The following SEC11A variants were observed in gnomAD, a reference collection of about 807,000 sequenced individuals.
SEC11A encodes the protein SEC11 homolog A, signal peptidase complex subunit.
SEC11A carries 14 observed loss-of-function variants against 25.6 expected under a neutral mutation model. That is an observed-to-expected ratio of 0.55 (90% CI 0.36 to 0.85). The LOEUF is 0.85. Ranked by LOEUF, SEC11A falls within the 40% of genes least tolerant of loss-of-function variation. SEC11A has a pLI of 0.01. For synonymous variants in SEC11A, 83 were observed against 76.4 expected (o/e 1.09, Z -0.45); for missense variants, 153 against 222.9 (o/e 0.69, Z 2.00).
Position 84,687,677 on chromosome 15 carries a change from T to C in SEC11A, c.259A>G (p.Ile87Val), listed in dbSNP as rs1008647422. 3 of 1,601,282 alleles carry C rather than the reference T, an allele frequency of 1.9e-6. No homozygotes were observed. Among genetic ancestry groups the C allele is most frequent in the African/African-American group, 2.7e-5 (2 of 74,034 alleles). Residue 87 changes from isoleucine to valine, a missense_variant, in exon 3 of 6, where the codon ATA becomes GTA. Transcript: ENST00000268220. ...IRVGEIVVFR[I>V]EGREIPIVHR... is the part of the protein sequence containing the mutation. ...ACTATAGGAATCTCTCTTCCTTCTA[T>C]CCTAAAAACAACAATTTCTCCCACT...
intron 1 of SEC11A, among the ~76,000 whole-genome samples, chr15:84,694,790 C>CA (rs969437725): frequency 1.9e-4 from 29 of 149,318 alleles, no homozygotes; most frequent in East Asian, 4.0e-4. Context: ...TTTATCTCTA[C>CA]AAAAAAAAAT....
rs1896929711 is a variant in SEC11A at position 84,669,721 on chromosome 15, C to T, written c.*298G>A. The stretch of plus-strand genomic sequence containing the variant: ...GAAGCTTGGCTTCAAAATACAAACA[C>T]TGGGGGCTTTGGCTCAACCTTTTAA... On this transcript the variant is annotated 3_prime_UTR_variant, in exon 6 of 6. Coordinates refer to ENST00000268220, the MANE Select transcript of SEC11A (RefSeq NM_014300.4). 1 of 389,880 alleles carries T rather than the reference C, an allele frequency of 2.6e-6. No individual in the cohort carries two copies. The highest frequency in any genetic ancestry group is 4.7e-6 in the Non-Finnish European group (1 of 211,302). The allele number at this position is 389,880 out of a possible 1,614,324, so 24.2% of individuals were successfully genotyped here.
intron 2 of SEC11A, among the ~76,000 whole-genome samples, chr15:84,689,601 TTTTC>T (rs1457956451): frequency 6.8e-5 from 8 of 117,504 alleles, no homozygotes; most frequent in Non-Finnish European, 1.2e-4. Flanking sequence ...GTAATGTTTC[TTTTC>T]TTTCTTTTTT....
chr15:84,706,127 G>A (rs909710758), intron 1 of SEC11A, among the ~76,000 whole-genome samples: 10 of 151,714 alleles, frequency 6.6e-5, no homozygotes, highest in African/African-American at 9.7e-5. Flanking sequence ...GGCTGGTCTC[G>A]AACTCCTGAC....
intron 1 of SEC11A, among the ~76,000 whole-genome samples, chr15:84,702,664 T>A (rs1212756143): frequency 6.6e-6 from 1 of 152,102 alleles, no homozygotes; most frequent in Non-Finnish European, 1.5e-5. Context: ...TTTGATGAAG[T>A]AAGTCAATTC....
intron 4 of SEC11A, among the ~76,000 whole-genome samples, chr15:84,674,086 A>T (rs1351418843): frequency 6.6e-6 from 1 of 152,008 alleles, no homozygotes; most frequent in Admixed American, 6.5e-5. Flanking sequence ...ATGGCAAATA[A>T]TATCCCTTCT....
intron 1 of SEC11A, among the ~76,000 whole-genome samples, chr15:84,709,742 C>T (rs1898205601): frequency 6.7e-6 from 1 of 150,338 alleles, no homozygotes; most frequent in South Asian, 2.1e-4. Context: ...TGCACCTGGC[C>T]TCTTCTGTTC....
At chr15:84,697,544 G>A (rs1897803684) in intron 1 of SEC11A, among the ~76,000 whole-genome samples, 1 of 152,118 alleles carries the variant, frequency 6.6e-6, no homozygotes, top group African/African-American at 2.4e-5. Flanking sequence ...CCAAAACCTA[G>A]ACAGAAGCAC....
intron 1 of SEC11A, among the ~76,000 whole-genome samples, chr15:84,697,201 G>A (rs911751708): frequency 3.3e-5 from 5 of 152,140 alleles, no homozygotes; most frequent in Non-Finnish European, 7.3e-5. Flanking sequence ...GGTTGAGGCT[G>A]TAGTGAGCTG....
intron 1 of SEC11A, among the ~76,000 whole-genome samples, chr15:84,706,771 A>G (rs1168910106): frequency 1.3e-5 from 2 of 152,252 alleles, no homozygotes; most frequent in African/African-American, 4.8e-5. Flanking sequence ...TGGTTAAGCT[A>G]GAAGTAGGTT....
intron 1 of SEC11A, among the ~76,000 whole-genome samples, chr15:84,711,269 C>T (rs1316460778): frequency 6.6e-6 from 1 of 151,836 alleles, no homozygotes; most frequent in African/African-American, 2.4e-5. Context: ...GTAGTCCCAG[C>T]TACTCCAGAG....
chr15:84,690,409 G>A (rs767733093), intron 2 of SEC11A, among the ~76,000 whole-genome samples: 6 of 152,058 alleles, frequency 3.9e-5, no homozygotes, highest in South Asian at 2.1e-4. Flanking sequence ...TCTTGGGTAC[G>A]TCTTTATCAG....
chr15:84,713,010 T>C (rs926103725), intron 1 of SEC11A, among the ~76,000 whole-genome samples: 1 of 152,000 alleles, frequency 6.6e-6, no homozygotes, highest in Non-Finnish European at 1.5e-5. Flanking sequence ...ATCAAGACCA[T>C]GGTGAAACCC....
chr15:84,704,770 T>C (rs2141917827), intron 1 of SEC11A, among the ~76,000 whole-genome samples: 1 of 152,302 alleles, frequency 6.6e-6, no homozygotes, highest in East Asian at 1.9e-4. Flanking sequence ...ATAGGTTGCA[T>C]GTTCCTGTGG....
chr15:84,697,027 A>G (rs1434994400), intron 1 of SEC11A, among the ~76,000 whole-genome samples: 1 of 124,014 alleles, frequency 8.1e-6, no homozygotes, highest in African/African-American at 3.2e-5. Flanking sequence ...CTAAAAAAAA[A>G]ATAACAAAAT....
chr15:84,700,954 T>C (rs539266137), intron 1 of SEC11A, among the ~76,000 whole-genome samples: 144 of 122,330 alleles, frequency 1.2e-3, no homozygotes, highest in Non-Finnish European at 1.2e-3. Context: ...CATGTACTCC[T>C]ACCTGGGCAA....
intron 4 of SEC11A, chr15:84,679,875 C>T: frequency 1.6e-6 from 2 of 1,245,318 alleles, no homozygotes. Context: ...ATTGTTAATA[C>T]TATTAATTAC....
intron 4 of SEC11A, chr15:84,673,355 G>A (rs549734062): frequency 2.2e-4 from 41 of 186,048 alleles, no homozygotes; most frequent in African/African-American, 8.4e-4. Flanking sequence ...GATGGTTGCC[G>A]TGTCTGTGTA....
intron 3 of SEC11A, chr15:84,685,778 G>A (rs1897401815): frequency 6.9e-6 from 1 of 144,204 alleles, no homozygotes; most frequent in African/African-American, 2.6e-5. Context: ...ATAAACCTCT[G>A]TAATTCCAAA....
Sources: allele counts gnomAD v4.1 joint callset (sites outside exome capture counted in the v4.1 genomes callset), GRCh38; gene constraint gnomAD v4.1.1; transcripts MANE v1.5; gene names NCBI Gene and HGNC (gene_info 2026-07-23, HGNC 2026-07-21).